Variants in KATNIP observed in about 807,000 individuals in gnomAD.
The protein encoded by KATNIP is katanin interacting protein, also known as katanin-interacting protein.
A neutral mutation model predicts 174.0 loss-of-function variants in KATNIP; 126 were observed. That is an observed-to-expected ratio of 0.72 (90% CI 0.63 to 0.84). KATNIP has a LOEUF of 0.84. Among genes scored for constraint, KATNIP ranks in the 40% least tolerant of loss-of-function variants. The pLI is 0.00. For synonymous variants in KATNIP, 810 were observed against 835.7 expected (o/e 0.97, Z 0.53); for missense variants, 1,958 against 2,109.7 (o/e 0.93, Z 1.41).
At chr16:27,657,969 G>A (rs987502980) in intron 6 of KATNIP, among the ~76,000 whole-genome samples, 4 of 152,176 alleles carry the variant, frequency 2.6e-5, no homozygotes, top group African/African-American at 9.7e-5. Flanking sequence ...TCCCAATTGT[G>A]ATGTTATGCT....
intron 1 of KATNIP, among the ~76,000 whole-genome samples, chr16:27,553,918 C>G (rs979568245): frequency 6.7e-6 from 1 of 149,658 alleles, no homozygotes; most frequent in African/African-American, 2.5e-5. Flanking sequence ...TGTGCCACTG[C>G]ACTCCAGCCT....
intron 1 of KATNIP, among the ~76,000 whole-genome samples, chr16:27,572,945 C>T (rs543347041): frequency 1.3e-5 from 2 of 152,326 alleles, no homozygotes; most frequent in South Asian, 2.1e-4. Context: ...AGCATCATCC[C>T]TTGAGCTTTA....
In KATNIP at chr16:27,631,119, C is replaced by A; in HGVS notation, c.365C>A (p.Ser122Ter). 6.3e-7 allele frequency: 1 copy of A among 1,577,902 alleles called. No homozygotes were observed. Among genetic ancestry groups the A allele is most frequent in the East Asian group, 2.3e-5 (1 of 43,360 alleles). Reference protein sequence around the residue: ...REAEEALRRSSRTAPSKVQRR... With the variant: ...REAEEALRRS ...GCTGAAGAAGCCTTAAGACGCAGTT[C>A]ACGGACAGCCCCCAGTAAAGTCCAG... Residue 122 changes from serine (S) to a stop codon, truncating the protein, a stop_gained, in exon 5 of 28, where the codon TCA becomes TAA. Coordinates refer to ENST00000261588, the MANE Select transcript of KATNIP (RefSeq NM_015202.5). LOFTEE classifies it high-confidence loss of function.
intron 2 of KATNIP, among the ~76,000 whole-genome samples, chr16:27,611,478 C>A (rs1168832674): frequency 6.6e-6 from 1 of 152,122 alleles, no homozygotes; most frequent in Non-Finnish European, 1.5e-5. Flanking sequence ...CTAAGTCAAC[C>A]TTAGCAATTA....
chr16:27,572,362 AAC>A (rs3056269), intron 1 of KATNIP, among the ~76,000 whole-genome samples: 2,427 of 138,120 alleles, frequency 0.018, 56 homozygotes, highest in East Asian at 0.075. Flanking sequence ...CAAAAAAGAA[AAC>A]ACACACACAC....
At chr16:27,679,610 G>T (rs2078253481) in intron 7 of KATNIP, among the ~76,000 whole-genome samples, 1 of 152,022 alleles carries the variant, frequency 6.6e-6, no homozygotes, top group Non-Finnish European at 1.5e-5. Flanking sequence ...AAATTAGCCA[G>T]ACGTAGTAGT....
chr16:27,690,335 T>TAGATAGAC (rs1413419952), intron 8 of KATNIP, among the ~76,000 whole-genome samples: 1 of 130,428 alleles, frequency 7.7e-6, no homozygotes, highest in African/African-American at 2.9e-5. Flanking sequence ...GATAGATAGA[T>TAGATAGAC]AGATAGATAG....
chr16:27,761,398 C>A lies in KATNIP; in HGVS notation c.3632-15C>A. On this transcript the variant is annotated splice_polypyrimidine_tract_variant and intron_variant, in intron 18 of 27. Coordinates refer to ENST00000261588, the MANE Select transcript of KATNIP (RefSeq NM_015202.5). ...AGCCTCTGGTGCTAATGGGCCACTT[C>A]TCTTCCTGTTGCAGGCCTTCAGCTG... 6.2e-7 allele frequency: 1 copy of A among 1,600,112 alleles called. No homozygotes were observed. Among genetic ancestry groups the A allele is most frequent in the Non-Finnish European group, 8.5e-7 (1 of 1,172,758 alleles).
intron 22 of KATNIP, 140 bp from the exon 23 acceptor site, chr16:27,772,959 C>A: frequency 1.7e-6 from 1 of 605,720 alleles, no homozygotes; most frequent in Non-Finnish European, 2.9e-6. Context: ...TTTTGATAGG[C>A]TCTAGTTGCA....
At chr16:27,623,345 A>C (rs1033193325) in intron 3 of KATNIP, among the ~76,000 whole-genome samples, 1 of 152,220 alleles carries the variant, frequency 6.6e-6, no homozygotes, top group African/African-American at 2.4e-5. Flanking sequence ...TCCCAGGATC[A>C]CTGAAGGGTG....
chr16:27,621,786 G>T (rs1460947234), intron 3 of KATNIP, among the ~76,000 whole-genome samples: 1 of 145,074 alleles, frequency 6.9e-6, no homozygotes, highest in Non-Finnish European at 1.5e-5. Flanking sequence ...AGAGAGGGTG[G>T]GGGGGAGGTG....
intron 14 of KATNIP, among the ~76,000 whole-genome samples, chr16:27,723,351 A>G (rs1789967413): frequency 1.3e-5 from 2 of 151,896 alleles, no homozygotes; most frequent in Admixed American, 6.6e-5. Context: ...TCCCGTGAAC[A>G]TAGCAGTGAT....
chr16:27,764,553 T>C (rs1166456429), intron 19 of KATNIP, among the ~76,000 whole-genome samples: 2 of 152,220 alleles, frequency 1.3e-5, no homozygotes, highest in Non-Finnish European at 2.9e-5. Flanking sequence ...TGGGTAATGG[T>C]ATTTAGAGAC....
chr16:27,635,428 GAC>G (rs1259647674), intron 5 of KATNIP, among the ~76,000 whole-genome samples: 5 of 152,092 alleles, frequency 3.3e-5, no homozygotes, highest in Admixed American at 2.6e-4. Context: ...CTAGAGCATG[GAC>G]TCTGCTCCAC....
chr16:27,681,723 T>A (rs772988104), intron 8 of KATNIP, among the ~76,000 whole-genome samples, 193 bp downstream of exon 8: 1 of 152,028 alleles, frequency 6.6e-6, no homozygotes, highest in Non-Finnish European at 1.5e-5. Context: ...AGAGAGAGCT[T>A]AGGATAAGGA....
chr16:27,730,220 C>T (rs561416472), intron 14 of KATNIP, among the ~76,000 whole-genome samples: 20 of 152,360 alleles, frequency 1.3e-4, no homozygotes, highest in Admixed American at 2.6e-4. Context: ...AGATGCAGTT[C>T]ACAGGTAGAC....
rs78862929 is a variant in KATNIP, at chr16:27,628,774, G to A, written c.254G>A (p.Arg85Gln). Residue 85 changes from arginine to glutamine, a missense_variant, in exon 4 of 28, where the codon CGG becomes CAG. By Grantham distance (43) the Arg-to-Gln change is conservative. This residue lies in a region of KATNIP where 1,557 missense variants were observed against 1,617.8 expected (regional missense o/e 0.96). Transcript: ENST00000261588. ...GANSELKSSP[R>Q]KAIHSDFSRS... ...AATTCGGAGCTGAAATCATCACCGC[G>A]GAAAGCTATTCACTCTGACTTCTCC... 1.3e-4 allele frequency: 210 copies of A among 1,614,156 alleles called. 2 individuals are homozygous for A. In the East Asian group the frequency reaches 4.0e-3, roughly 31 times the overall value.
At chr16:27,593,980 A>G (rs1232912021) in intron 2 of KATNIP, among the ~76,000 whole-genome samples, 3 of 152,068 alleles carry the variant, frequency 2.0e-5, no homozygotes, top group Non-Finnish European at 2.9e-5. Context: ...TGACATCCAG[A>G]ATCCAGCTGC....
intron 14 of KATNIP, among the ~76,000 whole-genome samples, chr16:27,723,617 C>T (rs927708548): frequency 3.3e-5 from 5 of 152,076 alleles, no homozygotes; most frequent in African/African-American, 7.3e-5. Flanking sequence ...AGGAGAAATA[C>T]GTGGTTGATG....
Sources: gnomAD v4.1 joint callset for allele counts (sites outside exome capture counted in the v4.1 genomes callset) on GRCh38, gnomAD v4.1.1 for gene constraint, gnomAD v4.1.1 regional missense constraint, MANE v1.5 for transcripts, NCBI Gene and HGNC (gene_info 2026-07-23, HGNC 2026-07-21) for gene names.